The following DOCK3 variants were observed in gnomAD, a reference collection of about 807,000 sequenced individuals.
DOCK3 encodes dedicator of cytokinesis 3, also known as dedicator of cytokinesis protein 3.
DOCK3 carries 60 observed loss-of-function variants against 265.6 expected under a neutral mutation model. The ratio of observed to expected loss-of-function variants is 0.23; its 90% CI spans 0.18 to 0.28. The LOEUF is 0.28. Among genes scored for constraint, DOCK3 ranks in the 10% least tolerant of loss-of-function variants. The pLI, the probability that DOCK3 is intolerant of heterozygous loss-of-function variation, is 1.00. For missense variants in DOCK3, 1,981 were observed against 2,594.3 expected (o/e 0.76, Z 5.14); for synonymous variants, 881 against 938.0 (o/e 0.94, Z 1.11).
intron 2 of DOCK3, among the ~76,000 whole-genome samples, chr3:50,779,741 G>A (rs1020194917): frequency 6.6e-6 from 1 of 152,126 alleles, no homozygotes; most frequent in African/African-American, 2.4e-5. Context: ...GCATATATGG[G>A]TATTTCTACT....
chr3:51,020,375 T>C (rs2079532614), intron 5 of DOCK3, among the ~76,000 whole-genome samples: 2 of 151,972 alleles, frequency 1.3e-5, no homozygotes, highest in African/African-American at 2.4e-5. Flanking sequence ...TATTGACCTT[T>C]ATCAGATGGA....
intron 3 of DOCK3, chr3:50,881,166 A>G (rs1233548679): frequency 1.3e-5 from 2 of 152,198 alleles, no homozygotes; most frequent in African/African-American, 2.4e-5. Flanking sequence ...CCCACAGCCA[A>G]TGTCATACTG....
At chr3:51,171,774 C>T (rs543969347) in intron 12 of DOCK3, among the ~76,000 whole-genome samples, 49 of 151,786 alleles carry the variant, frequency 3.2e-4, no homozygotes, top group African/African-American at 1.0e-3. Context: ...TGCTGTATCC[C>T]GGAAAATGTT....
intron 5 of DOCK3, among the ~76,000 whole-genome samples, chr3:51,056,877 A>G (rs1161375347): frequency 1.3e-5 from 2 of 152,204 alleles, no homozygotes; most frequent in Non-Finnish European, 2.9e-5. Context: ...GGAAGGAAAC[A>G]ATGTTTATCT....
At chr3:51,354,820 A>T in intron 40 of DOCK3, 62 bp from the exon 41 acceptor site, 2 of 1,579,206 alleles carry the variant, frequency 1.3e-6, no homozygotes, top group East Asian at 4.5e-5. Context: ...TACTGACTCC[A>T]GGGTGGAGGT....
At chr3:51,086,372 ATG>A (rs2082428992) in intron 7 of DOCK3, among the ~76,000 whole-genome samples, 1 of 152,240 alleles carries the variant, frequency 6.6e-6, no homozygotes, top group East Asian at 1.9e-4. Context: ...CATCATGAAC[ATG>A]TCGCAGTGCT....
intron 2 of DOCK3, chr3:50,786,954 G>T (rs914443294): frequency 2.7e-6 from 2 of 741,678 alleles, no homozygotes; most frequent in Non-Finnish European, 5.1e-6. Flanking sequence ...CATGTAAATG[G>T]CATGTCTTTC....
intron 12 of DOCK3, among the ~76,000 whole-genome samples, chr3:51,202,527 TA>T (rs2088860385): frequency 6.6e-6 from 1 of 152,060 alleles, no homozygotes; most frequent in Non-Finnish European, 1.5e-5. Flanking sequence ...CAATAATCAA[TA>T]GCTTGCCAAC....
rs193011639 is a variant in DOCK3 at position 51,321,664 on chromosome 3, G to A, written c.3402+6536G>A. On this transcript the variant is annotated intron_variant, in intron 32 of 52. Coordinates refer to ENST00000266037, the MANE Select transcript of DOCK3 (RefSeq NM_004947.5). ...CTGATGGAGCTGAAAAACACGGCAC[G>A]AGAACTATATGAAGCATGCACAAGT... Among the ~76,000 whole-genome samples the A allele has an allele frequency of 1.3e-3, 204 of 152,162 alleles. 1 individual carries two copies. Among genetic ancestry groups the A allele is most frequent in the South Asian group, 2.3e-3 (11 of 4,810 alleles).
intron 5 of DOCK3, among the ~76,000 whole-genome samples, chr3:51,007,436 C>A (rs2078727050): frequency 6.6e-6 from 1 of 152,148 alleles, no homozygotes; most frequent in African/African-American, 2.4e-5. Flanking sequence ...TGAGAAGTGT[C>A]TGTTCATATC....
chr3:50,943,672 C>CT (rs2076355903), intron 5 of DOCK3, among the ~76,000 whole-genome samples: 1 of 152,032 alleles, frequency 6.6e-6, no homozygotes, highest in South Asian at 2.1e-4. Flanking sequence ...GTGGATGATA[C>CT]TGTAGAAACA....
At chr3:50,680,411 A>G (rs11716738) in intron 1 of DOCK3, among the ~76,000 whole-genome samples, 7 of 148,736 alleles carry the variant, frequency 4.7e-5, no homozygotes, top group Non-Finnish European at 7.4e-5. Context: ...ACGGGGTTTC[A>G]CCATATTGGC....
chr3:51,006,117 T>TC (rs370740265), intron 5 of DOCK3, among the ~76,000 whole-genome samples: 2 of 152,254 alleles, frequency 1.3e-5, no homozygotes, highest in Middle Eastern at 3.4e-3. Context: ...CCTAGAATAC[T>TC]CCCCCCTTAG....
intron 9 of DOCK3, among the ~76,000 whole-genome samples, chr3:51,121,593 T>A (rs987299254): frequency 6.6e-6 from 1 of 152,086 alleles, no homozygotes; most frequent in East Asian, 1.9e-4. Context: ...CAATCATAAA[T>A]AAGTTGAGTT....
intron 4 of DOCK3, among the ~76,000 whole-genome samples, chr3:50,932,542 C>T (rs1244004413): frequency 1.3e-5 from 2 of 152,104 alleles, no homozygotes; most frequent in African/African-American, 4.8e-5. Context: ...AGTTAGTCCC[C>T]GTGCTTTCAG....
intron 2 of DOCK3, among the ~76,000 whole-genome samples, chr3:50,783,959 C>T (rs2042056086): frequency 1.3e-5 from 2 of 151,994 alleles, no homozygotes; most frequent in Admixed American, 6.5e-5. Flanking sequence ...CCTCCGCCTC[C>T]CAAGTTTAAG....
At chr3:50,910,096 G>A (rs1317987647) in intron 4 of DOCK3, among the ~76,000 whole-genome samples, 1 of 151,846 alleles carries the variant, frequency 6.6e-6, no homozygotes, top group Non-Finnish European at 1.5e-5. Context: ...TTCTAAAATG[G>A]CTATTCTCAT....
At chr3:51,226,013 A>G (rs1234552848) in intron 15 of DOCK3, among the ~76,000 whole-genome samples, 4 of 152,164 alleles carry the variant, frequency 2.6e-5, no homozygotes, top group African/African-American at 9.7e-5. Context: ...GCTCCAGTTT[A>G]GATTTATTCC....
chr3:50,707,981 G>C (rs536031619), intron 1 of DOCK3, among the ~76,000 whole-genome samples: 1 of 152,310 alleles, frequency 6.6e-6, no homozygotes, highest in East Asian at 1.9e-4. Flanking sequence ...CAGCTAGATG[G>C]GGTGGCCCCC....
Sources: allele counts gnomAD v4.1 joint callset (sites outside exome capture counted in the v4.1 genomes callset), GRCh38; gene constraint gnomAD v4.1.1; transcripts MANE v1.5; gene names NCBI Gene and HGNC (gene_info 2026-07-23, HGNC 2026-07-21).